PHKB: variants seen among roughly 807,000 people sequenced by gnomAD.
The protein encoded by PHKB is phosphorylase b kinase regulatory subunit beta.
PHKB carries 122 observed loss-of-function variants against 152.1 expected under a neutral mutation model. The observed-to-expected ratio is 0.80, with a 90% CI of 0.69 to 0.93. The LOEUF is 0.93. Among genes scored for constraint, PHKB ranks in the 40% least tolerant of loss-of-function variants. PHKB has a pLI of 0.00. For synonymous variants in PHKB, 436 were observed against 464.9 expected (o/e 0.94, Z 0.80); for missense variants, 1,304 against 1,328.4 (o/e 0.98, Z 0.29).
intron 26 of PHKB, among the ~76,000 whole-genome samples, chr16:47,677,402 G>A (rs889282610): frequency 4.6e-5 from 7 of 152,156 alleles, no homozygotes; most frequent in Admixed American, 1.3e-4. Context: ...ATAACAAAAC[G>A]CCATACATGG....
chr16:47,660,998 G>A (rs1373115766), intron 22 of PHKB, among the ~76,000 whole-genome samples, 179 bp downstream of exon 22: 1 of 152,138 alleles, frequency 6.6e-6, no homozygotes, highest in African/African-American at 2.4e-5. Flanking sequence ...ACATCTGCAT[G>A]GATATCTTTA....
At chr16:47,635,226 A>C (rs1486335819) in intron 14 of PHKB, among the ~76,000 whole-genome samples, 1 of 152,132 alleles carries the variant, frequency 6.6e-6, no homozygotes, top group East Asian at 1.9e-4. Context: ...GCATGTTTGA[A>C]TCTCCATGTT....
Position 47,699,387 on chromosome 16 carries a change from C to T in PHKB, c.*21C>T. The T allele has an allele frequency of 6.2e-7, 1 of 1,613,704 alleles. No individual in the cohort carries two copies. Among genetic ancestry groups the T allele is most frequent in the Non-Finnish European group, 8.5e-7 (1 of 1,179,634 alleles). On this transcript the variant is annotated 3_prime_UTR_variant, in exon 31 of 31. Coordinates refer to ENST00000323584, the MANE Select transcript of PHKB (RefSeq NM_000293.3). ...GCTAGTGGGGAAGGTGTAGGAAGCTCTGTTGAGACACATGTTCTGAAGTGT... is the reference window on the plus strand; with the variant it reads ...GCTAGTGGGGAAGGTGTAGGAAGCTTTGTTGAGACACATGTTCTGAAGTGT...
Position 47,660,771 on chromosome 16 carries a change from TAG to T in PHKB, c.2149_2150del (p.Ser717Ter), listed in dbSNP as rs1194297826. 2 of 1,613,916 alleles carry T rather than the reference TAG, an allele frequency of 1.2e-6. No individual in the cohort carries two copies. The highest frequency in any genetic ancestry group is 2.7e-5 in the African/African-American group (2 of 74,888). On this transcript the variant is annotated frameshift_variant, in exon 22 of 31. Coordinates refer to ENST00000323584, the MANE Select transcript of PHKB (RefSeq NM_000293.3). LOFTEE classifies it high-confidence loss of function. ...ELGQQPDVNI[S>X]EWKDKPTHEI... ...TGGGACAGCAGCCGGATGTCAACAT[TAG>T]TGAATGGAAGGACAAACCCACCCAC...
chr16:47,688,940 T>C (rs890675348), intron 26 of PHKB, 101 bp from the exon 27 acceptor site: 13 of 1,254,108 alleles, frequency 1.0e-5, no homozygotes, highest in Non-Finnish European at 1.5e-5. Context: ...TTCTTCATTC[T>C]CCTTTGAATG....
At chr16:47,693,240 C>T (rs979501104) in intron 27 of PHKB, 138 bp from the exon 28 acceptor site, 1 of 803,612 alleles carries the variant, frequency 1.2e-6, no homozygotes, top group Non-Finnish European at 2.1e-6. Flanking sequence ...GCCTCTGTAA[C>T]ACACGGAGAT....
intron 7 of PHKB, among the ~76,000 whole-genome samples, chr16:47,554,038 A>T (rs1971321238): frequency 6.6e-6 from 1 of 152,198 alleles, no homozygotes; most frequent in Non-Finnish European, 1.5e-5. Context: ...CTGAGGAGGC[A>T]GTCTGACCCT....
chr16:47,676,014 G>A (rs1289549387), intron 26 of PHKB: 1 of 152,034 alleles, frequency 6.6e-6, no homozygotes, highest in Non-Finnish European at 1.5e-5. Context: ...TTATACTAAG[G>A]CCTCAACCCC....
In PHKB at chr16:47,693,468, G is replaced by T. The variant is rs191428598; in HGVS notation, c.2856G>T (p.Thr952=). 4 of 1,613,948 alleles carry T rather than the reference G, an allele frequency of 2.5e-6. No individual in the cohort carries two copies. Among genetic ancestry groups the T allele is most frequent in the African/African-American group, 1.3e-5 (1 of 74,900 alleles). The change falls in exon 28 of 31, where the codon ACG becomes ACT. Residue 952 remains threonine (T), a synonymous_variant. Coordinates refer to ENST00000323584, the MANE Select transcript of PHKB (RefSeq NM_000293.3). ...YDRVWQILER[T]PNGIIVAGKH... ...GAGTGTGGCAGATTCTGGAGCGCAC[G>T]CCCAATGGGATCATTGTTGCTGGGA...
At chr16:47,657,728 C>T (rs375689045) in intron 20 of PHKB, among the ~76,000 whole-genome samples, 4 of 152,076 alleles carry the variant, frequency 2.6e-5, no homozygotes, top group African/African-American at 9.6e-5. Context: ...GGTGAGTAGG[C>T]TAATAAAATG....
chr16:47,696,561 C>G, intron 29 of PHKB, 73 bp downstream of exon 29: 2 of 847,252 alleles, frequency 2.4e-6, no homozygotes, highest in South Asian at 2.7e-5. Context: ...ATAAGGGAAA[C>G]TGCCTATGAG....
chr16:47,669,489 A>G, intron 26 of PHKB, 72 bp downstream of exon 26: 1 of 1,350,116 alleles, frequency 7.4e-7, no homozygotes, highest in Non-Finnish European at 1.1e-6. Flanking sequence ...GGCCTCTCCA[A>G]GTGAAGCAAT....
Position 47,511,690 on chromosome 16 carries a change from G to A in PHKB, c.431G>A (p.Arg144His), listed in dbSNP as rs768399607. ...GTCCAGCAGTTTAAGCAGGATCCAC[G>A]CCCAACAACATGTCTTCACTCTGTT... ...DKVQQFKQDP[R>H]PTTCLHSVFN... Residue 144 changes from arginine (R) to histidine (H), a missense_variant, in exon 5 of 31, where the codon CGC becomes CAC. Arg to His is a conservative substitution (Grantham distance 29, BLOSUM62 0). Transcript: ENST00000323584. 8 of 1,612,778 alleles carry A rather than the reference G, an allele frequency of 5.0e-6. No individual in the cohort carries two copies. Among genetic ancestry groups the A allele is most frequent in the South Asian group, 2.2e-5 (2 of 91,054 alleles).
chr16:47,620,838 C>T (rs1048175318), intron 14 of PHKB, among the ~76,000 whole-genome samples: 2 of 151,770 alleles, frequency 1.3e-5, no homozygotes, highest in Non-Finnish European at 2.9e-5. Context: ...TGTGCCACTG[C>T]AGTTCAGCCT....
intron 20 of PHKB, among the ~76,000 whole-genome samples, chr16:47,652,250 CA>C (rs1973250075): frequency 6.6e-6 from 1 of 151,482 alleles, no homozygotes; most frequent in South Asian, 2.1e-4. Context: ...ATTTTTGATT[CA>C]GGGGGATACA....
chr16:47,574,942 C>T (rs1971725442), intron 7 of PHKB, among the ~76,000 whole-genome samples: 1 of 152,100 alleles, frequency 6.6e-6, no homozygotes, highest in African/African-American at 2.4e-5. Flanking sequence ...CCTATTTTAC[C>T]ACATAGAACT....
At chr16:47,514,724 C>G (rs564978904) in intron 5 of PHKB, among the ~76,000 whole-genome samples, 39 of 152,344 alleles carry the variant, frequency 2.6e-4, no homozygotes, top group Non-Finnish European at 4.4e-4. Flanking sequence ...ATGAACCACA[C>G]AGGGTTGTGC....
chr16:47,587,703 T>G lies in PHKB; in HGVS notation c.810T>G (p.Asp270Glu). Residue 270 changes from aspartate (D) to glutamate (E), a missense_variant, in exon 9 of 31, where the codon GAT (aspartate) becomes GAG (glutamate). By Grantham distance (45) the Asp-to-Glu change is conservative. Coordinates refer to ENST00000323584, the MANE Select transcript of PHKB (RefSeq NM_000293.3). ...GGTCAGTTATATTTGTGGATCTCGA[T>G]GCTCACAATCGCAACAGGCAAACTT... ...CSWSVIFVDL[D>E]AHNRNRQTLC... 1 of 1,613,844 alleles carries G rather than the reference T, an allele frequency of 6.2e-7. No individual in the cohort carries two copies. The highest frequency in any genetic ancestry group is 1.1e-5 in the South Asian group (1 of 91,080).
intron 5 of PHKB, among the ~76,000 whole-genome samples, chr16:47,514,140 G>A (rs141833599): frequency 0.019 from 2,810 of 148,752 alleles, 31 homozygotes; most frequent in Middle Eastern, 0.031. Context: ...TAAATTTAGC[G>A]TTGTGTTTTC....
Sources: gnomAD v4.1 joint callset for allele counts (sites outside exome capture counted in the v4.1 genomes callset) on GRCh38, gnomAD v4.1.1 for gene constraint, MANE v1.5 for transcripts, NCBI Gene and HGNC (gene_info 2026-07-23, HGNC 2026-07-21) for gene names.